The following EVL variants were observed in gnomAD, a reference collection of about 807,000 sequenced individuals.
EVL encodes the protein Enah/Vasp-like.
A neutral mutation model predicts 59.6 loss-of-function variants in EVL; 21 were observed. The ratio of observed to expected loss-of-function variants is 0.35; its 90% CI spans 0.25 to 0.51. The LOEUF (loss-of-function observed/expected upper bound fraction) is 0.51, where lower values mean the gene tolerates loss of function less well. Among genes scored for constraint, EVL ranks in the 20% least tolerant of loss-of-function variants. EVL has a pLI of 0.97. For synonymous variants in EVL, 198 were observed against 203.5 expected, an observed-to-expected ratio of 0.97 and a Z score of 0.23; for missense variants, 462 against 546.6, an observed-to-expected ratio of 0.85 and a Z score of 1.54.
intron 1 of EVL, among the ~76,000 whole-genome samples, chr14:100,053,927 G>T (rs1333742816): frequency 1.3e-5 from 2 of 151,904 alleles, no homozygotes; most frequent in African/African-American, 2.4e-5. Context: ...GAATACAGGC[G>T]TGAGCCACTG....
chr14:100,072,364 A>G (rs888192858), intron 1 of EVL, among the ~76,000 whole-genome samples: 3 of 152,114 alleles, frequency 2.0e-5, no homozygotes, highest in Non-Finnish European at 4.4e-5. Flanking sequence ...CCTCCCGAGT[A>G]GCTGGGACTA....
upstream of EVL, among the ~76,000 whole-genome samples, chr14:100,061,767 A>G (rs1273574811): frequency 6.6e-6 from 1 of 152,178 alleles, no homozygotes; most frequent in Non-Finnish European, 1.5e-5. Context: ...TATACACTGT[A>G]TTCTTATAAT....
chr14:99,973,966 C>T (rs1166262648), intron 1 of EVL, among the ~76,000 whole-genome samples: 1 of 152,140 alleles, frequency 6.6e-6, no homozygotes, highest in Admixed American at 6.5e-5. Flanking sequence ...ATCTTCCAGT[C>T]TTCGCTTTGG....
chr14:100,042,404 C>G (rs73347818), intron 1 of EVL, among the ~76,000 whole-genome samples: 17,186 of 152,230 alleles, frequency 0.11, 1,280 homozygotes, highest in African/African-American at 0.21. Flanking sequence ...TCCAGACTTA[C>G]GTGATATTCT....
chr14:100,034,307 G>C (rs915978925), intron 1 of EVL, among the ~76,000 whole-genome samples: 1 of 151,508 alleles, frequency 6.6e-6, no homozygotes, highest in African/African-American at 2.4e-5. Context: ...GTACATAGTA[G>C]CATGAAGGGT....
rs994053953 is a variant in EVL, at chr14:100,108,350, G to A, written c.358+10692G>A. On this transcript the variant is annotated intron_variant, in intron 3 of 13. Coordinates refer to ENST00000392920, the MANE Select transcript of EVL (RefSeq NM_016337.3). This position sits in a 1 kb window ranked among gnomAD's most constrained non-coding sequence, Gnocchi z 4.1. ...TTACCTCTTTCTCCCCTAAAGAGAA[G>A]GAAGTACTGGACTGTCTTCATCTCC... Among the ~76,000 whole-genome samples the A allele has an allele frequency of 6.6e-6, 1 of 152,220 alleles. No individual in the cohort carries two copies. Among genetic ancestry groups the A allele is most frequent in the Non-Finnish European group, 1.5e-5 (1 of 68,040 alleles).
chr14:100,034,827 T>C (rs1037421060), intron 1 of EVL, among the ~76,000 whole-genome samples: 58 of 152,208 alleles, frequency 3.8e-4, no homozygotes, highest in African/African-American at 1.4e-3. Flanking sequence ...TTGGTAATTA[T>C]TGTGTTATTC....
intron 1 of EVL, among the ~76,000 whole-genome samples, chr14:100,040,117 G>A (rs1595603893): frequency 6.6e-6 from 1 of 152,130 alleles, no homozygotes. Flanking sequence ...CTGTCCCTTT[G>A]TGTTTGCTTG....
intron 1 of EVL, among the ~76,000 whole-genome samples, chr14:99,980,195 T>G (rs2060797454): frequency 6.6e-6 from 1 of 152,204 alleles, no homozygotes; most frequent in Non-Finnish European, 1.5e-5. Context: ...AATTCATTCT[T>G]CAAATGGTCT....
chr14:100,054,868 C>T (rs1278802415), intron 1 of EVL, among the ~76,000 whole-genome samples: 1 of 152,108 alleles, frequency 6.6e-6, no homozygotes, highest in African/African-American at 2.4e-5. Flanking sequence ...AATTAACACC[C>T]AGGCACACAT....
chr14:100,011,129 A>C (rs1309646172), intron 1 of EVL, among the ~76,000 whole-genome samples: 2 of 152,232 alleles, frequency 1.3e-5, no homozygotes, highest in Non-Finnish European at 2.9e-5. Flanking sequence ...TAACTAGTTC[A>C]TTGGAATAGA....
intron 1 of EVL, among the ~76,000 whole-genome samples, chr14:99,994,112 C>CCT (rs2060895307): frequency 1.8e-5 from 1 of 55,154 alleles, no homozygotes; most frequent in Non-Finnish European, 3.3e-5. Context: ...AGCCTTTTGG[C>CCT]TTTTTTTTTT....
chr14:100,089,043 A>G (rs1352959270), intron 2 of EVL, among the ~76,000 whole-genome samples: 1 of 152,264 alleles, frequency 6.6e-6, no homozygotes, highest in East Asian at 1.9e-4. Flanking sequence ...AGTATTCCTA[A>G]AGATAATGAC....
At chr14:99,987,905 AT>A (rs774580760) in intron 1 of EVL, among the ~76,000 whole-genome samples, 4,570 of 103,756 alleles carry the variant, frequency 0.044, 57 homozygotes, top group African/African-American at 0.11. Flanking sequence ...AGACAACCCA[AT>A]TTTTTTTTTT....
At chr14:100,060,714 A>G (rs1456572802), upstream of EVL, among the ~76,000 whole-genome samples, 2 of 152,198 alleles carry the variant, frequency 1.3e-5, no homozygotes, top group African/African-American at 4.8e-5. Context: ...AATAATGACC[A>G]GAATTTCCCA....
chr14:99,994,469 T>C (rs1460627055), intron 1 of EVL, among the ~76,000 whole-genome samples: 1 of 152,122 alleles, frequency 6.6e-6, no homozygotes, highest in Non-Finnish European at 1.5e-5. Flanking sequence ...ACCATTACAA[T>C]TACATAAAAC....
At chr14:100,038,771 GGT>G (rs61309441) in intron 1 of EVL, among the ~76,000 whole-genome samples, 63 of 140,994 alleles carry the variant, frequency 4.5e-4, no homozygotes, top group Middle Eastern at 3.6e-3. Context: ...TGTGCCCTGG[GGT>G]GTGTGTGTGT....
At chr14:100,122,593 T>C (rs752134807) in intron 3 of EVL, among the ~76,000 whole-genome samples, 14 of 152,196 alleles carry the variant, frequency 9.2e-5, no homozygotes, top group Non-Finnish European at 1.6e-4. Flanking sequence ...AACTTGAATA[T>C]TGCTGTGACC....
intron 8 of EVL, chr14:100,135,345 C>T (rs1008942191): frequency 1.3e-5 from 2 of 152,546 alleles, no homozygotes; most frequent in African/African-American, 4.8e-5. Flanking sequence ...AGCTCAAATG[C>T]TGTGCATTCT....
Sources: allele counts gnomAD v4.1 joint callset (sites outside exome capture counted in the v4.1 genomes callset), GRCh38; gene constraint gnomAD v4.1.1; non-coding constraint Gnocchi (gnomAD v3.1); transcripts MANE v1.5; gene names NCBI Gene and HGNC (gene_info 2026-07-23, HGNC 2026-07-21).